RERE: variants seen among roughly 807,000 people sequenced by gnomAD.
RERE encodes the protein arginine-glutamic acid dipeptide repeats, also known as arginine-glutamic acid dipeptide repeats protein.
A neutral mutation model predicts 146.1 loss-of-function variants in RERE; 40 were observed. That is an observed-to-expected ratio of 0.27 (90% CI 0.21 to 0.36). The LOEUF is 0.36. RERE is among the 10% of genes least tolerant of loss of function. The probability of loss-of-function intolerance (pLI) is 1.00; values close to 1 mark genes in which losing one functional copy is unlikely to be tolerated. For synonymous variants in RERE, 1,003 were observed against 866.0 expected, an observed-to-expected ratio of 1.16 and a Z score of -2.78; for missense variants, 1,933 against 2,138.7, an observed-to-expected ratio of 0.90 and a Z score of 1.90.
chr1:8,505,201 A>C (rs758309694), intron 8 of RERE, among the ~76,000 whole-genome samples: 23 of 152,216 alleles, frequency 1.5e-4, no homozygotes, highest in Non-Finnish European at 3.2e-4. Context: ...TTAGATTCTA[A>C]TTTGAACTAT....
chr1:8,658,738 C>T (rs182693945), intron 1 of RERE, among the ~76,000 whole-genome samples: 94 of 147,904 alleles, frequency 6.4e-4, no homozygotes, highest in Admixed American at 3.8e-3. Context: ...GCCTGGGCAA[C>T]GAGAGAGACT....
intron 1 of RERE, among the ~76,000 whole-genome samples, chr1:8,693,459 A>C (rs545208669): frequency 6.6e-6 from 1 of 152,240 alleles, no homozygotes; most frequent in Non-Finnish European, 1.5e-5. Flanking sequence ...AGAAACCTTA[A>C]GTACATTTTG....
chr1:8,630,106 C>A (rs1211706556), intron 2 of RERE, among the ~76,000 whole-genome samples: 1 of 152,100 alleles, frequency 6.6e-6, no homozygotes, highest in Non-Finnish European at 1.5e-5. Flanking sequence ...ATAAAAAATC[C>A]ACAAGTATCT....
chr1:8,724,304 A>G (rs531126660), intron 1 of RERE, among the ~76,000 whole-genome samples: 1 of 152,298 alleles, frequency 6.6e-6, no homozygotes, highest in African/African-American at 2.4e-5. Flanking sequence ...TTTAAATAAT[A>G]TTTCAATCTT....
rs1255945994 is a variant in RERE, at chr1:8,478,363, TA to T, written c.1105-12341del. Among the ~76,000 whole-genome samples, 194 of 151,908 alleles carry T rather than the reference TA, an allele frequency of 1.3e-3. 1 individual carries two copies. The highest frequency in any genetic ancestry group is 1.8e-4 in the Non-Finnish European group (12 of 67,922). ...CATTTCTAAAATGGAAGAAAAAAAGTAAAGAAAGAAGAAAAGGAGGAGAAGA... is the reference window on the plus strand; with the variant it reads ...CATTTCTAAAATGGAAGAAAAAAAGTAAGAAAGAAGAAAAGGAGGAGAAGA... On this transcript the variant is annotated intron_variant, in intron 10 of 22. Transcript: ENST00000400908.
chr1:8,804,824 C>T (rs547499659), intron 1 of RERE, among the ~76,000 whole-genome samples: 24 of 152,280 alleles, frequency 1.6e-4, no homozygotes, highest in African/African-American at 4.6e-4. Context: ...TGGTTCAGGA[C>T]TGTCTATGAG....
At position 8,356,085 on chromosome 1, in the gene RERE, G is replaced by C. The variant is rs764232302; in HGVS notation, c.4486+15C>G. 6.7e-7 allele frequency: 1 copy of C among 1,483,078 alleles called. No individual in the cohort carries two copies. The highest frequency in any genetic ancestry group is 1.5e-5 in the African/African-American group (1 of 67,854). 91.9% of individuals were successfully genotyped at this position (1,483,078 alleles called of 1,614,324 possible). ...TCACACGGCCTCCCCGCCCCTCCTG[G>C]AGGGGAAGTCTTACCGAAAACTGGG... On this transcript the variant is annotated intron_variant, in intron 21 of 22. Coordinates refer to ENST00000400908, the MANE Select transcript of RERE (RefSeq NM_001042681.2). This position sits in a 1 kb window ranked among gnomAD's most constrained non-coding sequence, Gnocchi z 5.2.
intron 12 of RERE, among the ~76,000 whole-genome samples, chr1:8,367,285 G>A (rs559659391): frequency 9.5e-4 from 145 of 152,334 alleles, no homozygotes; most frequent in African/African-American, 3.3e-3. Context: ...AGTGACAAGA[G>A]AGGTGGGCAG....
intron 6 of RERE, 40 bp from the exon 7 acceptor site, chr1:8,541,358 C>T (rs750492092): frequency 1.5e-6 from 2 of 1,330,468 alleles, no homozygotes; most frequent in Non-Finnish European, 2.1e-6. Context: ...ATACCCTCAA[C>T]TGCTTTTGCT....
At chr1:8,427,727 G>A (rs1441694848) in intron 11 of RERE, among the ~76,000 whole-genome samples, 1 of 150,294 alleles carries the variant, frequency 6.7e-6, no homozygotes, top group Non-Finnish European at 1.5e-5. Context: ...CTCAAAACCA[G>A]CAAAACATCT....
chr1:8,524,159 T>C (rs1645541748), intron 7 of RERE, among the ~76,000 whole-genome samples: 1 of 152,168 alleles, frequency 6.6e-6, no homozygotes, highest in South Asian at 2.1e-4. Context: ...CATTATATGG[T>C]ATGGGGTACC....
At chr1:8,631,412 A>G (rs1647033717) in intron 2 of RERE, among the ~76,000 whole-genome samples, 2 of 152,208 alleles carry the variant, frequency 1.3e-5, no homozygotes, top group South Asian at 2.1e-4. Flanking sequence ...TTAAAAAAAT[A>G]AAAAATAACA....
chr1:8,672,165 G>A (rs1411427980), intron 1 of RERE, among the ~76,000 whole-genome samples: 13 of 152,028 alleles, frequency 8.6e-5, no homozygotes, highest in South Asian at 4.1e-4. Context: ...ATCTCACTCC[G>A]GAAATATATT....
intron 11 of RERE, among the ~76,000 whole-genome samples, chr1:8,455,913 C>T (rs112421600): frequency 1.2e-3 from 185 of 152,274 alleles, no homozygotes; most frequent in African/African-American, 4.3e-3. Context: ...TAAAGTGCCT[C>T]GTGAGCACCC....
chr1:8,614,342 A>T (rs1385362327), intron 4 of RERE, among the ~76,000 whole-genome samples: 2 of 152,174 alleles, frequency 1.3e-5, no homozygotes, highest in East Asian at 3.9e-4. Flanking sequence ...TGGTGCCAAA[A>T]TACCCTTCCA....
intron 1 of RERE, among the ~76,000 whole-genome samples, chr1:8,679,642 A>G (rs559427776): frequency 2.0e-5 from 3 of 152,288 alleles, no homozygotes; most frequent in Admixed American, 6.5e-5. Flanking sequence ...AACCCTATGC[A>G]ATTGTCATGT....
At chr1:8,606,922 G>A (rs555500733) in intron 4 of RERE, among the ~76,000 whole-genome samples, 1 of 152,164 alleles carries the variant, frequency 6.6e-6, no homozygotes, top group Non-Finnish European at 1.5e-5. Context: ...CAACTTCCAG[G>A]CACCAGGCAT....
intron 4 of RERE, among the ~76,000 whole-genome samples, chr1:8,569,450 G>C (rs1474796335): frequency 6.6e-6 from 1 of 152,042 alleles, no homozygotes; most frequent in African/African-American, 2.4e-5. Context: ...CAGACTTTGC[G>C]GTAATGAGCA....
At chr1:8,610,485 A>G (rs1646780467) in intron 4 of RERE, among the ~76,000 whole-genome samples, 1 of 152,126 alleles carries the variant, frequency 6.6e-6, no homozygotes, top group Admixed American at 6.5e-5. Context: ...GCTACTCCAG[A>G]GGCTGAGGCA....
Sources: allele counts gnomAD v4.1 joint callset (sites outside exome capture counted in the v4.1 genomes callset), GRCh38; gene constraint gnomAD v4.1.1; non-coding constraint Gnocchi (gnomAD v3.1); transcripts MANE v1.5; gene names NCBI Gene and HGNC (gene_info 2026-07-23, HGNC 2026-07-21).